Variants in DDX1 observed in about 807,000 individuals in gnomAD.
The protein encoded by DDX1 is ATP-dependent RNA helicase DDX1.
Under a neutral mutation model 108.7 loss-of-function variants are expected in DDX1, and 28 were observed. The ratio of observed to expected loss-of-function variants is 0.26; its 90% CI spans 0.19 to 0.35. The LOEUF is 0.35. DDX1 is among the 10% of genes least tolerant of loss of function. DDX1 has a pLI of 1.00. For missense variants in DDX1, 710 were observed against 884.5 expected (o/e 0.80, Z 2.50); for synonymous variants, 295 against 288.9 (o/e 1.02, Z -0.21).
At chr2:15,629,934 A>G (rs1227020570) in intron 24 of DDX1, 56 bp from the exon 25 acceptor site, 2 of 1,493,564 alleles carry the variant, frequency 1.3e-6, no homozygotes, top group Non-Finnish European at 9.1e-7. Context: ...ATGATGATAA[A>G]ATGCAACTCT....
chr2:15,611,552 C>T (rs1428420919), intron 13 of DDX1, among the ~76,000 whole-genome samples: 1 of 133,930 alleles, frequency 7.5e-6, no homozygotes, highest in African/African-American at 3.0e-5. Flanking sequence ...GGCGGCTGGC[C>T]GGGCGGGGGG....
intron 8 of DDX1, 96 bp downstream of exon 8, chr2:15,603,371 AG>A: frequency 1.1e-6 from 1 of 878,430 alleles, no homozygotes; most frequent in Non-Finnish European, 1.8e-6. Context: ...AACCATAAAA[AG>A]GTTTTATTTT....
In DDX1 at chr2:15,628,477, T is replaced by C. The variant is rs146084775; in HGVS notation, c.1719T>C (p.Asp573=). Reference sequence around the variant, plus strand: ...ATGTAAGATTCTTGATTTGCACAGATGTAGCTGCTAGAGGAATTGATATCC... The same window carrying C: ...ATGTAAGATTCTTGATTTGCACAGACGTAGCTGCTAGAGGAATTGATATCC... ...KGDVRFLICT[D]VAARGIDIHG... is the part of the protein sequence containing the mutation. The change falls in exon 21 of 26, where the codon GAT becomes GAC. Residue 573 remains aspartate, a synonymous_variant. Coordinates refer to ENST00000233084, the MANE Select transcript of DDX1 (RefSeq NM_004939.3). 1.9e-6 allele frequency: 3 copies of C among 1,613,362 alleles called. No individual in the cohort carries two copies. Among genetic ancestry groups the C allele is most frequent in the South Asian group, 1.1e-5 (1 of 91,068 alleles).
intron 14 of DDX1, among the ~76,000 whole-genome samples, chr2:15,616,628 T>C (rs1370013910): frequency 6.6e-6 from 1 of 152,248 alleles, no homozygotes; most frequent in Non-Finnish European, 1.5e-5. Flanking sequence ...AGTGGTAACA[T>C]GAAATAAAAC....
At position 15,603,287 on chromosome 2, in the gene DDX1, T is replaced by G; in HGVS notation, c.475+12T>G. 1 of 1,546,752 alleles carries G rather than the reference T, an allele frequency of 6.5e-7. No individual in the cohort carries two copies. The highest frequency in any genetic ancestry group is 8.9e-7 in the Non-Finnish European group (1 of 1,123,224). Reference sequence around the variant, plus strand: ...CTCTTTGGACCTAGGTAAGTGTTTCTAAAATAACTGAATTGATTGATTTAC... The same window carrying G: ...CTCTTTGGACCTAGGTAAGTGTTTCGAAAATAACTGAATTGATTGATTTAC... On this transcript the variant is annotated intron_variant, in intron 8 of 25. Transcript: ENST00000233084.
chr2:15,607,223 C>T lies in DDX1; in HGVS notation c.866C>T (p.Ala289Val). The stretch of plus-strand genomic sequence containing the variant: ...AAGTTTCTCCCCAATGCTCCGAAAG[C>T]TCTCATTGTTGAACCTTCCCGGGAG... ...QTKFLPNAPK[A>V]LIVEPSRELA... The change falls in exon 13 of 26, where the codon GCT becomes GTT. Residue 289 changes from alanine (A) to valine (V), a missense_variant. Physicochemically the swap from Ala to Val is moderately conservative, Grantham distance 64 (BLOSUM62 0). Transcript: ENST00000233084. 1 of 1,613,914 alleles carries T rather than the reference C, an allele frequency of 6.2e-7. No homozygotes were observed. Among genetic ancestry groups the T allele is most frequent in the Non-Finnish European group, 8.5e-7 (1 of 1,179,810 alleles).
chr2:15,629,787 T>A, intron 24 of DDX1, 90 bp downstream of exon 24: 1 of 1,119,808 alleles, frequency 8.9e-7, no homozygotes, highest in Non-Finnish European at 1.3e-6. Flanking sequence ...GGCTTTTATC[T>A]GTTTGTCACT....
At chr2:15,596,605 A>C (rs1198936134) in intron 3 of DDX1, 129 bp from the exon 4 acceptor site, 5 of 727,806 alleles carry the variant, frequency 6.9e-6, no homozygotes, top group Non-Finnish European at 1.2e-5. Context: ...GGAACCCTGG[A>C]TATCTGGAGG....
At chr2:15,605,351 C>G (rs948916732) in intron 10 of DDX1, among the ~76,000 whole-genome samples, 2 of 152,030 alleles carry the variant, frequency 1.3e-5, no homozygotes, top group African/African-American at 4.8e-5. Flanking sequence ...GGAGGAGAAC[C>G]AAGAAAGCAT....
Position 15,606,024 on chromosome 2 carries a change from A to G in DDX1, c.700A>G (p.Lys234Glu). 6.3e-7 allele frequency: 1 copy of G among 1,587,322 alleles called. No homozygotes were observed. Among genetic ancestry groups the G allele is most frequent in the Non-Finnish European group, 8.6e-7 (1 of 1,169,170 alleles). ...AGCCCTCTTTCCTGCCTGTGTTTTG[A>G]AGGTAATTAGGAATCTAGTTAGAAA... Reference protein sequence around the residue: ...NQALFPACVLKNAELKFNFGE... With the variant: ...NQALFPACVLENAELKFNFGE... Residue 234 changes from lysine to glutamate, a missense_variant and splice_region_variant, in exon 11 of 26, where the codon AAG becomes GAG. Lys to Glu is a moderately conservative substitution (Grantham distance 56). This residue lies in a region of DDX1 where 661 missense variants were observed against 810.2 expected (regional missense o/e 0.82). Transcript: ENST00000233084.
intron 9 of DDX1, among the ~76,000 whole-genome samples, chr2:15,604,143 C>T (rs1249072144): frequency 6.6e-6 from 1 of 152,138 alleles, no homozygotes; most frequent in Non-Finnish European, 1.5e-5. Context: ...TCTCTTTTCA[C>T]CTCATTTTGA....
chr2:15,606,120 A>G, intron 11 of DDX1, 30 bp from the exon 12 acceptor site: 10 of 1,594,688 alleles, frequency 6.3e-6, no homozygotes, highest in Non-Finnish European at 6.9e-6. Flanking sequence ...TAGGGTAGGA[A>G]TTTTAATTTT....
intron 18 of DDX1, among the ~76,000 whole-genome samples, chr2:15,623,189 G>C (rs749429108): frequency 1.3e-5 from 2 of 151,894 alleles, no homozygotes; most frequent in Non-Finnish European, 2.9e-5. Flanking sequence ...TACGGTTATG[G>C]GTGTTTATAT....
intron 13 of DDX1, among the ~76,000 whole-genome samples, chr2:15,611,522 C>G (rs1259945697): frequency 6.9e-6 from 1 of 143,950 alleles, no homozygotes; most frequent in Non-Finnish European, 1.5e-5. Context: ...GGCTGACCCC[C>G]CCACCTCCCT....
Position 15,591,947 on chromosome 2 carries a change from C to G in DDX1, c.14C>G (p.Ser5Cys), listed in dbSNP as rs1406348283. ...GACGGGGTGAAGATGGCGGCCTTCTCCGGTGCGTTTGTGGAAACTCTGGGG... is the reference window on the plus strand; with the variant it reads ...GACGGGGTGAAGATGGCGGCCTTCTGCGGTGCGTTTGTGGAAACTCTGGGG... Reference protein sequence around the residue: MAAFSEMGVMPEIAQ... With the variant: MAAFCEMGVMPEIAQ... Residue 5 changes from serine to cysteine, a missense_variant and splice_region_variant, in exon 1 of 26, where the codon TCC becomes TGC. By Grantham distance (112) the Ser-to-Cys change is moderately radical (BLOSUM62 -1). This residue lies in a region of DDX1 where 48 missense variants were observed against 57.5 expected (regional missense o/e 0.83). Transcript: ENST00000233084. 2.1e-6 allele frequency: 3 copies of G among 1,434,142 alleles called. No individual in the cohort carries two copies. In the South Asian group the frequency reaches 4.4e-5, roughly 21 times the overall value. The allele number at this position is 1,434,142 out of a possible 1,614,324, so 88.8% of individuals were successfully genotyped here. A position where few individuals can be genotyped will look rare whatever the true frequency, so the allele number is the denominator to read the frequency against.
chr2:15,623,817 A>G (rs1666049891), intron 19 of DDX1, among the ~76,000 whole-genome samples: 1 of 152,136 alleles, frequency 6.6e-6, no homozygotes, highest in African/African-American at 2.4e-5. Flanking sequence ...GCATCCTAAG[A>G]GTTTTATATT....
chr2:15,621,295 T>C, intron 18 of DDX1, 179 bp downstream of exon 18: 2 of 561,466 alleles, frequency 3.6e-6, no homozygotes, highest in Non-Finnish European at 6.2e-6. Flanking sequence ...TAGAGGAATA[T>C]GAATCATTGA....
chr2:15,597,527 A>T, intron 5 of DDX1, 56 bp downstream of exon 5: 9 of 1,159,384 alleles, frequency 7.8e-6, no homozygotes, highest in African/African-American at 1.6e-5. Context: ...CTCATCACTG[A>T]CAGTTAGGAA....
In DDX1 at chr2:15,628,501, C is replaced by A; in HGVS notation, c.1743C>A (p.Ile581=). The A allele has an allele frequency of 6.2e-7, 1 of 1,612,898 alleles. No individual in the cohort carries two copies. Among genetic ancestry groups the A allele is most frequent in the Non-Finnish European group, 8.5e-7 (1 of 1,179,052 alleles). ...ATGTAGCTGCTAGAGGAATTGATAT[C>A]CACGGTGTTCCTTATGGTAAAAAGC... ...CTDVAARGID[I]HGVPYVINVT... is the part of the protein sequence containing the mutation. The change falls in exon 21 of 26, where the codon ATC becomes ATA. Residue 581 remains isoleucine, a synonymous_variant. Coordinates refer to ENST00000233084, the MANE Select transcript of DDX1 (RefSeq NM_004939.3).
Sources: allele counts gnomAD v4.1 joint callset (sites outside exome capture counted in the v4.1 genomes callset), GRCh38; gene constraint gnomAD v4.1.1; regional missense constraint gnomAD v4.1.1; transcripts MANE v1.5; gene names NCBI Gene and HGNC (gene_info 2026-07-23, HGNC 2026-07-21).